DPP6: variants seen among roughly 807,000 people sequenced by gnomAD.
The protein encoded by DPP6 is dipeptidyl peptidase like 6.
A neutral mutation model predicts 122.6 loss-of-function variants in DPP6; 69 were observed. That is an observed-to-expected ratio of 0.56 (90% CI 0.46 to 0.69). The LOEUF is 0.69. Among genes scored for constraint, DPP6 ranks in the 30% least tolerant of loss-of-function variants. DPP6 has a pLI of 0.00. For synonymous variants in DPP6, 418 were observed against 433.1 expected (o/e 0.97, Z 0.43); for missense variants, 928 against 1,116.9 (o/e 0.83, Z 2.41).
At chr7:154,122,182 T>C (rs1807523367) in intron 1 of DPP6, among the ~76,000 whole-genome samples, 1 of 152,212 alleles carries the variant, frequency 6.6e-6, no homozygotes, top group Non-Finnish European at 1.5e-5. Flanking sequence ...AGCCCAAAGT[T>C]ATGAAATAAG....
chr7:154,075,395 T>C (rs1803482118), intron 1 of DPP6, among the ~76,000 whole-genome samples: 2 of 151,462 alleles, frequency 1.3e-5, no homozygotes, highest in Admixed American at 1.3e-4. Flanking sequence ...TGCAAAAATA[T>C]GGAACCAGCC....
At chr7:153,869,977 C>T in the DPP6 span, among the ~76,000 whole-genome samples, 1 of 152,138 alleles carries the variant, frequency 6.6e-6, no homozygotes, top group Non-Finnish European at 1.5e-5. Context: ...TGAATATTGG[C>T]CCCTATTCTC....
chr7:154,565,599 C>T (rs1021381793), intron 4 of DPP6, among the ~76,000 whole-genome samples: 10 of 151,976 alleles, frequency 6.6e-5, no homozygotes, highest in African/African-American at 1.5e-4. Flanking sequence ...GATCTCGGTC[C>T]GCCACAACCT....
rs79545014 is a variant in DPP6, at chr7:154,440,415, G to A, written c.244-5799G>A. Among the ~76,000 whole-genome samples, 576 of 152,250 alleles carry A rather than the reference G, an allele frequency of 3.8e-3. 2 individuals are homozygous for A. Among genetic ancestry groups the A allele is most frequent in the South Asian group, 7.9e-3 (38 of 4,820 alleles). On this transcript the variant is annotated intron_variant, in intron 1 of 25. Coordinates refer to ENST00000377770, the MANE Select transcript of DPP6 (RefSeq NM_130797.4). ...ACAGTCACAAGGAAAGGAGCATCTC[G>A]GGGAGTGGGAAAGCTTCCCCTGCTA... is the stretch of plus-strand genomic sequence containing the variant.
At chr7:154,674,315 T>C (rs574200084) in intron 7 of DPP6, among the ~76,000 whole-genome samples, 3 of 152,216 alleles carry the variant, frequency 2.0e-5, no homozygotes, top group Non-Finnish European at 2.9e-5. Context: ...TTTCCTGATA[T>C]GGTATTTCTA....
At chr7:154,365,063 C>T (rs1812039387) in intron 1 of DPP6, among the ~76,000 whole-genome samples, 1 of 152,156 alleles carries the variant, frequency 6.6e-6, no homozygotes, top group Admixed American at 6.5e-5. Context: ...ATAACTGGCT[C>T]AACTGGACTC....
chr7:154,120,265 G>C (rs1585417421), intron 1 of DPP6, among the ~76,000 whole-genome samples: 1 of 145,820 alleles, frequency 6.9e-6, no homozygotes, highest in Admixed American at 6.9e-5. Context: ...TTTTTTCTGA[G>C]ACAGAGTCTC....
the DPP6 span, among the ~76,000 whole-genome samples, chr7:153,870,092 T>A: frequency 6.6e-6 from 1 of 152,228 alleles, no homozygotes; most frequent in Non-Finnish European, 1.5e-5. Context: ...CATTTTTTCC[T>A]TCATTTCAAC....
At chr7:153,749,693 T>C in the DPP6 span, among the ~76,000 whole-genome samples, 5 of 152,134 alleles carry the variant, frequency 3.3e-5, 1 homozygote, top group South Asian at 4.1e-4. The surrounding 1 kb of genome is among the most constrained non-coding windows in gnomAD (Gnocchi z 4.1). Context: ...ACGGATCCTG[T>C]GGGGCCCGGC....
At chr7:154,741,662 G>T (rs1017707582) in intron 8 of DPP6, among the ~76,000 whole-genome samples, 1 of 152,240 alleles carries the variant, frequency 6.6e-6, no homozygotes, top group Non-Finnish European at 1.5e-5. Flanking sequence ...TCCTGTAGGT[G>T]TCACTTTGTG....
chr7:154,107,246 A>G (rs190817127), intron 1 of DPP6, among the ~76,000 whole-genome samples: 44 of 152,380 alleles, frequency 2.9e-4, no homozygotes, highest in South Asian at 6.2e-4. Flanking sequence ...ATGGAATACT[A>G]TGCAGCCTTA....
In DPP6 at chr7:154,063,288, G is replaced by A. The variant is rs370054426; in HGVS notation, c.243+10225G>A. ...AGGACCCCCATCGCAGAGGGGGGAG[G>A]GACCCCCCATGAGGCGGGGACTGAG... is the stretch of plus-strand genomic sequence containing the variant. On this transcript the variant is annotated intron_variant, in intron 1 of 25. Transcript: ENST00000377770. Among the ~76,000 whole-genome samples, 42 of 121,094 alleles carry A rather than the reference G, an allele frequency of 3.5e-4. 5 individuals carry two copies. The East Asian group carries it at 0.01, about 29-fold the overall frequency. The allele number at this position is 121,094 out of a possible 152,430, so 79.4% of individuals were successfully genotyped here.
intron 1 of DPP6, among the ~76,000 whole-genome samples, chr7:154,229,716 C>T (rs1378329703): frequency 6.6e-6 from 1 of 152,126 alleles, no homozygotes; most frequent in Non-Finnish European, 1.5e-5. Context: ...CCAAGCTTCA[C>T]CATAAATTTG....
chr7:154,687,384 T>C (rs1460437624), intron 7 of DPP6, among the ~76,000 whole-genome samples: 1 of 152,240 alleles, frequency 6.6e-6, no homozygotes, highest in Non-Finnish European at 1.5e-5. Context: ...ATTTTGCTCA[T>C]GTTTTCTGGT....
chr7:154,816,722 G>A (rs1054724082), intron 16 of DPP6, among the ~76,000 whole-genome samples: 5 of 152,206 alleles, frequency 3.3e-5, no homozygotes, highest in Non-Finnish European at 5.9e-5. Context: ...GCTGGGGGTG[G>A]CTGACGTGCA....
At chr7:154,470,763 G>T (rs1822194162) in intron 2 of DPP6, among the ~76,000 whole-genome samples, 1 of 152,168 alleles carries the variant, frequency 6.6e-6, no homozygotes, top group Non-Finnish European at 1.5e-5. Context: ...CAAGCTAAAG[G>T]GCTGGAAGGA....
At chr7:154,773,028 A>C in intron 10 of DPP6, 86 bp downstream of exon 10, 1 of 1,378,986 alleles carries the variant, frequency 7.3e-7, no homozygotes, top group Admixed American at 3.2e-5. Flanking sequence ...GATCAGATTT[A>C]TCTTACAACA....
chr7:153,800,920 A>G, the DPP6 span, among the ~76,000 whole-genome samples: 3 of 152,260 alleles, frequency 2.0e-5, no homozygotes, highest in Non-Finnish European at 2.9e-5. Flanking sequence ...TGGATATGCT[A>G]ATTACCCTGA....
intron 4 of DPP6, among the ~76,000 whole-genome samples, chr7:154,565,888 A>G (rs1245973989): frequency 6.6e-6 from 1 of 152,184 alleles, no homozygotes; most frequent in African/African-American, 2.4e-5. Context: ...CTGAGCATGC[A>G]TAGAGTGATG....
Sources: gnomAD v4.1 joint callset for allele counts (sites outside exome capture counted in the v4.1 genomes callset) on GRCh38, gnomAD v4.1.1 for gene constraint, Gnocchi (gnomAD v3.1) non-coding constraint, MANE v1.5 for transcripts, NCBI Gene and HGNC (gene_info 2026-07-23, HGNC 2026-07-21) for gene names.